Variants in ATP2B2 observed in about 807,000 individuals in gnomAD.
ATP2B2 encodes ATPase plasma membrane Ca2+ transporting 2.
In ATP2B2, 15 loss-of-function variants were observed where a neutral mutation model predicts 120.0. That is an observed-to-expected ratio of 0.12 (90% CI 0.08 to 0.19). ATP2B2 has a LOEUF of 0.19. Ranked by LOEUF, ATP2B2 falls within the 10% of genes least tolerant of loss-of-function variation. ATP2B2 has a pLI of 1.00. For synonymous variants in ATP2B2, 694 were observed against 700.3 expected, an observed-to-expected ratio of 0.99 and a Z score of 0.14; for missense variants, 1,045 against 1,719.8, an observed-to-expected ratio of 0.61 and a Z score of 6.94.
intron 2 of ATP2B2, among the ~76,000 whole-genome samples, chr3:10,586,119 G>A (rs1273559896): frequency 6.6e-6 from 1 of 152,150 alleles, no homozygotes; most frequent in Non-Finnish European, 1.5e-5. Flanking sequence ...GATAAATAGT[G>A]GTATTTGTTT....
At chr3:10,436,933 C>A (rs1325386029) in intron 2 of ATP2B2, among the ~76,000 whole-genome samples, 1 of 152,228 alleles carries the variant, frequency 6.6e-6, no homozygotes, top group African/African-American at 2.4e-5. Context: ...CGATGCTAAA[C>A]CCACTTTTTC....
At chr3:10,560,181 C>T (rs763399607) in intron 2 of ATP2B2, among the ~76,000 whole-genome samples, 4 of 152,166 alleles carry the variant, frequency 2.6e-5, no homozygotes, top group Non-Finnish European at 4.4e-5. Flanking sequence ...AACAAACCAG[C>T]GAAAGGCATC....
chr3:10,460,896 T>G (rs1194429791), intron 1 of ATP2B2, among the ~76,000 whole-genome samples: 1 of 152,172 alleles, frequency 6.6e-6, no homozygotes, highest in African/African-American at 2.4e-5. Context: ...ATTTCCTCCA[T>G]GGGGTGAGGG....
intron 2 of ATP2B2, among the ~76,000 whole-genome samples, chr3:10,618,344 T>C (rs1343100451): frequency 6.6e-6 from 1 of 152,096 alleles, no homozygotes; most frequent in Non-Finnish European, 1.5e-5. Flanking sequence ...GCCTGGCACA[T>C]GGTAGGGCAC....
intron 1 of ATP2B2, among the ~76,000 whole-genome samples, chr3:10,679,298 C>A (rs554472570): frequency 3.2e-4 from 49 of 152,282 alleles, no homozygotes; most frequent in African/African-American, 1.1e-3. Flanking sequence ...AATAGACAAC[C>A]AATACCTTAC....
At chr3:10,508,414 C>A (rs2066691297), upstream of ATP2B2, among the ~76,000 whole-genome samples, 2 of 152,212 alleles carry the variant, frequency 1.3e-5, no homozygotes, top group African/African-American at 2.4e-5. Flanking sequence ...CTGTCTCCCT[C>A]ACTGGGCTGT....
chr3:10,503,296 TG>T (rs1397071184), intron 1 of ATP2B2, among the ~76,000 whole-genome samples: 5 of 152,184 alleles, frequency 3.3e-5, no homozygotes, highest in Non-Finnish European at 7.4e-5. Context: ...AGAGGGCTGG[TG>T]GGGCCAGTCT....
chr3:10,556,341 G>C (rs1367335915), intron 2 of ATP2B2, among the ~76,000 whole-genome samples: 2 of 152,244 alleles, frequency 1.3e-5, no homozygotes, highest in African/African-American at 4.8e-5. Context: ...GCACTGGGGG[G>C]ACAAGGGTGA....
At chr3:10,546,853 T>C (rs1158751990) in intron 2 of ATP2B2, among the ~76,000 whole-genome samples, 1 of 152,094 alleles carries the variant, frequency 6.6e-6, no homozygotes, top group East Asian at 1.9e-4. Flanking sequence ...GCCCAGGCGG[T>C]GGGTCTTCCA....
chr3:10,373,403 G>C (rs2061297109), intron 11 of ATP2B2, among the ~76,000 whole-genome samples: 1 of 152,110 alleles, frequency 6.6e-6, no homozygotes, highest in African/African-American at 2.4e-5. Flanking sequence ...TTGTCTGTTG[G>C]GCTCAAGAAT....
At chr3:10,669,598 A>G (rs1480311250) in intron 1 of ATP2B2, among the ~76,000 whole-genome samples, 1 of 152,166 alleles carries the variant, frequency 6.6e-6, no homozygotes, top group Non-Finnish European at 1.5e-5. Flanking sequence ...GAGTGGGCCC[A>G]GGCACCCATA....
intron 1 of ATP2B2, among the ~76,000 whole-genome samples, chr3:10,625,108 C>T (rs2069658557): frequency 2.0e-5 from 3 of 152,230 alleles, no homozygotes; most frequent in African/African-American, 7.2e-5. Context: ...GGAGGTTCAG[C>T]AGGCCCCAGA....
intron 21 of ATP2B2, 111 bp from the exon 22 acceptor site, chr3:10,338,469 G>T: frequency 1.9e-6 from 2 of 1,042,878 alleles, no homozygotes; most frequent in Non-Finnish European, 2.9e-6. Flanking sequence ...CCAGGCATGT[G>T]ATCAATCTAC....
intron 1 of ATP2B2, among the ~76,000 whole-genome samples, chr3:10,628,471 C>G (rs6442186): frequency 0.59 from 89,322 of 152,028 alleles, 26,853 homozygotes; most frequent in Middle Eastern, 0.7. Flanking sequence ...AGGACATCCT[C>G]TGCCTCCTTT....
At chr3:10,652,672 C>T (rs1575594090) in intron 1 of ATP2B2, among the ~76,000 whole-genome samples, 1 of 152,156 alleles carries the variant, frequency 6.6e-6, no homozygotes, top group Non-Finnish European at 1.5e-5. Context: ...TTTGTGGCAG[C>T]ATTATTCACA....
chr3:10,469,646 T>C (rs2064898173), intron 1 of ATP2B2, among the ~76,000 whole-genome samples: 1 of 152,140 alleles, frequency 6.6e-6, no homozygotes, highest in Non-Finnish European at 1.5e-5. Flanking sequence ...CAGATAGCAG[T>C]GCAAGGAGAC....
Position 10,423,569 on chromosome 3 carries a change from G to A in ATP2B2, c.200-12754C>T, listed in dbSNP as rs552980364. On this transcript the variant is annotated intron_variant, in intron 2 of 22. Transcript: ENST00000360273. The stretch of plus-strand genomic sequence containing the variant: ...CAGCATGCCCAGAGGTGATCTCTGA[G>A]AGGTCTTTGTCTCAGCCCTTTGGGA... Among the ~76,000 whole-genome samples, 31 of 152,326 alleles carry A rather than the reference G, an allele frequency of 2.0e-4. 1 individual carries two copies. In the South Asian group the frequency reaches 6.4e-3, roughly 32 times the overall value.
At chr3:10,442,128 C>A (rs150429746) in intron 2 of ATP2B2, among the ~76,000 whole-genome samples, 1 of 152,092 alleles carries the variant, frequency 6.6e-6, no homozygotes, top group East Asian at 1.9e-4. Flanking sequence ...GCTCTTAGTT[C>A]GCTCACAGTA....
chr3:10,446,812 C>T (rs1170105079), intron 2 of ATP2B2, among the ~76,000 whole-genome samples: 5 of 152,192 alleles, frequency 3.3e-5, no homozygotes, highest in South Asian at 2.1e-4. Context: ...AGAGGTCAGA[C>T]GAAAAGGCCC....
Sources: allele counts gnomAD v4.1 joint callset (sites outside exome capture counted in the v4.1 genomes callset), GRCh38; gene constraint gnomAD v4.1.1; transcripts MANE v1.5; gene names NCBI Gene and HGNC (gene_info 2026-07-23, HGNC 2026-07-21).